AIG1: variants seen among roughly 807,000 people sequenced by gnomAD.
The protein encoded by AIG1 is androgen induced 1, also known as androgen-induced gene 1 protein.
In AIG1, 23 loss-of-function variants were observed where a neutral mutation model predicts 31.4. That is an observed-to-expected ratio of 0.73 (90% CI 0.53 to 1.04). The LOEUF (loss-of-function observed/expected upper bound fraction) is 1.04, where lower values mean the gene tolerates loss of function less well. Among genes scored for constraint, AIG1 ranks in the 50% least tolerant of loss-of-function variants. The pLI is 0.00. For synonymous variants in AIG1, 100 were observed against 110.5 expected (o/e 0.90, Z 0.60); for missense variants, 274 against 295.0 (o/e 0.93, Z 0.52).
intron 5 of AIG1, among the ~76,000 whole-genome samples, chr6:143,337,527 C>A (rs576557141): frequency 1.3e-5 from 2 of 152,290 alleles, no homozygotes; most frequent in South Asian, 2.1e-4. Flanking sequence ...TGAAATATTT[C>A]TTTACTTAAG....
intron 3 of AIG1, among the ~76,000 whole-genome samples, chr6:143,176,838 C>A (rs1788213869): frequency 6.6e-6 from 1 of 152,264 alleles, no homozygotes; most frequent in African/African-American, 2.4e-5. Context: ...TCCCACAGGG[C>A]CTGCAGCGGC....
intron 1 of AIG1, among the ~76,000 whole-genome samples, chr6:143,098,604 G>A (rs1311561506): frequency 6.6e-6 from 1 of 152,072 alleles, no homozygotes; most frequent in African/African-American, 2.4e-5. Flanking sequence ...TATATTTTGA[G>A]CCCCAGTCTC....
intron 3 of AIG1, among the ~76,000 whole-genome samples, chr6:143,238,541 G>C (rs1336790921): frequency 6.6e-6 from 1 of 152,146 alleles, no homozygotes; most frequent in Non-Finnish European, 1.5e-5. Context: ...CTTTGGGTCT[G>C]GGGGAGGGGT....
At chr6:143,181,091 T>C (rs1383968914) in intron 3 of AIG1, among the ~76,000 whole-genome samples, 2 of 152,230 alleles carry the variant, frequency 1.3e-5, no homozygotes, top group African/African-American at 4.8e-5. Context: ...TCATGGAGTC[T>C]GTGCCACACT....
At position 143,268,914 on chromosome 6, in the gene AIG1, AC is replaced by A. The variant is rs1436658447; in HGVS notation, c.400-15191del. Among the ~76,000 whole-genome samples, 1 of 151,850 alleles carries A rather than the reference AC, an allele frequency of 6.6e-6. No homozygotes were observed. The highest frequency in any genetic ancestry group is 2.4e-5 in the African/African-American group (1 of 41,322). On this transcript the variant is annotated intron_variant, in intron 3 of 5. Coordinates refer to ENST00000357847, the MANE Select transcript of AIG1 (RefSeq NM_016108.4). The surrounding 1 kb of genome is among the most constrained non-coding windows in gnomAD (Gnocchi z 5.0). ...AAGACAGCAGCCTTACTAAGTTCAG[AC>A]CCCCTTCCTGTGGCAGCCCTCATCC...
chr6:143,097,645 C>T (rs141667435), intron 1 of AIG1, among the ~76,000 whole-genome samples: 1 of 152,292 alleles, frequency 6.6e-6, no homozygotes, highest in Non-Finnish European at 1.5e-5. Flanking sequence ...GCCTCTTTCA[C>T]CTGTTTTCCT....
intron 2 of AIG1, among the ~76,000 whole-genome samples, chr6:143,159,424 TGATA>T (rs751631727): frequency 1.2e-4 from 19 of 152,182 alleles, no homozygotes; most frequent in Non-Finnish European, 2.5e-4. Flanking sequence ...ACCAAAATGA[TGATA>T]GTTAAAACCC....
At chr6:143,274,235 G>A (rs2128670087) in intron 3 of AIG1, among the ~76,000 whole-genome samples, 1 of 151,016 alleles carries the variant, frequency 6.6e-6, no homozygotes, top group Admixed American at 6.6e-5. Context: ...CGGTTGTCCT[G>A]GTGCTCCATA....
intron 3 of AIG1, among the ~76,000 whole-genome samples, chr6:143,215,694 A>ATG (rs1791974113): frequency 1.3e-5 from 2 of 152,256 alleles, no homozygotes; most frequent in Admixed American, 6.5e-5. Flanking sequence ...CCTAGCACCC[A>ATG]TGTGCTAGGA....
intron 1 of AIG1, among the ~76,000 whole-genome samples, chr6:143,115,866 G>A: frequency 6.6e-6 from 1 of 152,186 alleles, no homozygotes; most frequent in East Asian, 1.9e-4. Flanking sequence ...TGTCCTGAAT[G>A]AGGAGAGGGC....
At chr6:143,156,676 TC>T (rs1312425077) in intron 2 of AIG1, among the ~76,000 whole-genome samples, 1 of 152,154 alleles carries the variant, frequency 6.6e-6, no homozygotes, top group Non-Finnish European at 1.5e-5. Context: ...CTTGGGAGGT[TC>T]CCCTGTTAGG....
intron 1 of AIG1, among the ~76,000 whole-genome samples, chr6:143,132,628 C>T (rs1444150259): frequency 6.6e-6 from 1 of 151,672 alleles, no homozygotes; most frequent in East Asian, 1.9e-4. Flanking sequence ...CTTCGAAAAA[C>T]TTCAGCCATT....
chr6:143,240,080 C>T (rs181697783), intron 3 of AIG1, among the ~76,000 whole-genome samples: 9 of 152,236 alleles, frequency 5.9e-5, no homozygotes, highest in Middle Eastern at 3.4e-3. Context: ...ATGACATAGG[C>T]GATGAAGGAA....
intron 1 of AIG1, among the ~76,000 whole-genome samples, chr6:143,103,182 C>T (rs1780459540): frequency 6.6e-6 from 1 of 152,174 alleles, no homozygotes; most frequent in Admixed American, 6.5e-5. Flanking sequence ...ACACACAGCT[C>T]CTGCCTTCAA....
intron 3 of AIG1, among the ~76,000 whole-genome samples, chr6:143,177,267 T>C (rs1214207085): frequency 6.6e-6 from 1 of 152,236 alleles, no homozygotes; most frequent in Non-Finnish European, 1.5e-5. Context: ...AAGATTGTTA[T>C]TTTGCATTTT....
intron 2 of AIG1, among the ~76,000 whole-genome samples, chr6:143,151,281 G>T (rs897341470): frequency 1.3e-5 from 2 of 152,132 alleles, no homozygotes; most frequent in African/African-American, 4.8e-5. Flanking sequence ...AATCACAATT[G>T]TGTTTGTAAG....
intron 1 of AIG1, among the ~76,000 whole-genome samples, chr6:143,120,853 A>G (rs765255516): frequency 6.6e-6 from 1 of 152,238 alleles, no homozygotes; most frequent in African/African-American, 2.4e-5. Flanking sequence ...CATGTTCGTG[A>G]TGGCCGTGAT....
chr6:143,324,408 G>T (rs1257948350), intron 4 of AIG1, among the ~76,000 whole-genome samples: 1 of 152,054 alleles, frequency 6.6e-6, no homozygotes, highest in Non-Finnish European at 1.5e-5. Flanking sequence ...TAGTCAGTGG[G>T]AAAAAAACTT....
At chr6:143,343,105 C>G (rs532154289), downstream of AIG1, 6 of 770,644 alleles carry the variant, frequency 7.8e-6, no homozygotes, top group Admixed American at 1.7e-5. Flanking sequence ...CGCAGCTGTC[C>G]GCACTAAGAT....
Sources: gnomAD v4.1 joint callset for allele counts (sites outside exome capture counted in the v4.1 genomes callset) on GRCh38, gnomAD v4.1.1 for gene constraint, Gnocchi (gnomAD v3.1) non-coding constraint, MANE v1.5 for transcripts, NCBI Gene and HGNC (gene_info 2026-07-23, HGNC 2026-07-21) for gene names.